Variants in PDE4D observed in about 807,000 individuals in gnomAD.
PDE4D encodes the protein 3',5'-cyclic-AMP phosphodiesterase 4D.
PDE4D carries 24 observed loss-of-function variants against 87.4 expected under a neutral mutation model. That is an observed-to-expected ratio of 0.27 (90% CI 0.20 to 0.39). The LOEUF (loss-of-function observed/expected upper bound fraction) is 0.39. PDE4D is among the 10% of genes least tolerant of loss of function. The pLI is 1.00. For synonymous variants in PDE4D, 384 were observed against 383.2 expected, an observed-to-expected ratio of 1.00 and a Z score of -0.02; for missense variants, 714 against 1,041.0, an observed-to-expected ratio of 0.69 and a Z score of 4.32.
intron 1 of PDE4D, among the ~76,000 whole-genome samples, chr5:59,249,711 T>C (rs997565004): frequency 9.2e-5 from 14 of 152,304 alleles, no homozygotes; most frequent in African/African-American, 3.4e-4. Flanking sequence ...TCCAGGTAAT[T>C]GCTATTAGTA....
At chr5:59,300,679 T>C (rs562635415) in intron 1 of PDE4D, among the ~76,000 whole-genome samples, 37 of 151,868 alleles carry the variant, frequency 2.4e-4, no homozygotes, top group Admixed American at 1.2e-3. Flanking sequence ...ACATGTGAGG[T>C]TTCCCCCCCA....
At chr5:59,566,587 A>T (rs1264740425) in intron 1 of PDE4D, among the ~76,000 whole-genome samples, 14 of 144,848 alleles carry the variant, frequency 9.7e-5, no homozygotes, top group African/African-American at 3.4e-4. Context: ...TGTGTGTGAG[A>T]GAATGAGAGA....
chr5:59,158,600 G>A (rs2153463664), intron 5 of PDE4D, among the ~76,000 whole-genome samples: 1 of 152,264 alleles, frequency 6.6e-6, no homozygotes, highest in Admixed American at 6.5e-5. Context: ...TCACTTCTTA[G>A]GGAAATATGA....
At chr5:60,340,640 C>T (rs1758236451) in intron 1 of PDE4D, among the ~76,000 whole-genome samples, 1 of 148,160 alleles carries the variant, frequency 6.7e-6, no homozygotes, top group African/African-American at 2.5e-5. Flanking sequence ...CAAGTACTCT[C>T]ATTTGCGGCC....
At chr5:60,218,196 T>C (rs1037847295) in intron 1 of PDE4D, among the ~76,000 whole-genome samples, 3 of 152,072 alleles carry the variant, frequency 2.0e-5, no homozygotes, top group Non-Finnish European at 4.4e-5. Context: ...AATGATTATT[T>C]ATTATACCAT....
chr5:60,367,059 G>A (rs192773689), intron 1 of PDE4D, among the ~76,000 whole-genome samples: 14 of 152,204 alleles, frequency 9.2e-5, no homozygotes, highest in Admixed American at 5.9e-4. Flanking sequence ...CATGCCTTCC[G>A]GGTGGGTGGA....
chr5:59,656,105 C>T (rs1469958764), intron 1 of PDE4D, among the ~76,000 whole-genome samples: 3 of 152,190 alleles, frequency 2.0e-5, no homozygotes, highest in East Asian at 3.9e-4. Flanking sequence ...ATACCACAGA[C>T]ACAGATGTAC....
intron 2 of PDE4D, among the ~76,000 whole-genome samples, chr5:60,085,532 G>C (rs913180499): frequency 6.6e-6 from 1 of 152,110 alleles, no homozygotes; most frequent in Non-Finnish European, 1.5e-5. Flanking sequence ...GATAATGGGA[G>C]AAAGAAACTC....
intron 6 of PDE4D, among the ~76,000 whole-genome samples, chr5:59,026,516 T>C (rs1172757583): frequency 1.3e-5 from 2 of 152,102 alleles, no homozygotes; most frequent in African/African-American, 4.8e-5. Flanking sequence ...GATGGCCAAG[T>C]GGTCTAAGGC....
chr5:59,131,645 C>CACACACACAT (rs60337924), intron 5 of PDE4D, among the ~76,000 whole-genome samples: 2,425 of 146,268 alleles, frequency 0.017, 74 homozygotes, highest in African/African-American at 0.039. Context: ...CACACACACA[C>CACACACACAT]ATTAATGAGA....
At chr5:60,011,004 A>G (rs770345103) in intron 2 of PDE4D, among the ~76,000 whole-genome samples, 2 of 152,220 alleles carry the variant, frequency 1.3e-5, no homozygotes, top group Non-Finnish European at 2.9e-5. Context: ...ATTTATCTCA[A>G]CCTGCACTGT....
chr5:59,172,094 A>T (rs1357591537), intron 5 of PDE4D, among the ~76,000 whole-genome samples: 1 of 53,432 alleles, frequency 1.9e-5, no homozygotes, highest in East Asian at 5.9e-4. Context: ...ATATATAATA[A>T]ATATATATTA....
At chr5:59,504,441 G>A (rs1018889663) in intron 1 of PDE4D, among the ~76,000 whole-genome samples, 17 of 152,204 alleles carry the variant, frequency 1.1e-4, no homozygotes, top group African/African-American at 3.9e-4. Flanking sequence ...TGGCTAACTA[G>A]TATGTACCAA....
Position 59,502,791 on chromosome 5 carries a change from G to A in PDE4D, c.456-286823C>T, listed in dbSNP as rs1053436427. ...TGTTTTTCTTGATATAAAAATTAAAGCATGGAGAAATTCCAGTGAAAAGGA... is the reference window on the plus strand; with the variant it reads ...TGTTTTTCTTGATATAAAAATTAAAACATGGAGAAATTCCAGTGAAAAGGA... On this transcript the variant is annotated intron_variant, in intron 1 of 14. Coordinates refer to ENST00000340635, the MANE Select transcript of PDE4D (RefSeq NM_001104631.2). 2.7e-5 allele frequency among the ~76,000 whole-genome samples: 4 copies of A among 150,856 alleles called. No individual in the cohort carries two copies. The South Asian group carries it at 6.3e-4, about 24-fold the overall frequency.
At chr5:59,405,857 T>C (rs1180297253) in intron 1 of PDE4D, among the ~76,000 whole-genome samples, 1 of 152,226 alleles carries the variant, frequency 6.6e-6, no homozygotes, top group Non-Finnish European at 1.5e-5. Flanking sequence ...TGTTGAACCA[T>C]CCTTGCTTCC....
At chr5:59,274,580 A>T (rs532531860) in intron 1 of PDE4D, among the ~76,000 whole-genome samples, 24 of 152,148 alleles carry the variant, frequency 1.6e-4, no homozygotes, top group Non-Finnish European at 3.1e-4. Flanking sequence ...AGAAAAACAA[A>T]ATAAGACTAA....
At chr5:59,960,380 C>G (rs1759329671) in intron 3 of PDE4D, among the ~76,000 whole-genome samples, 1 of 152,140 alleles carries the variant, frequency 6.6e-6, no homozygotes, top group Non-Finnish European at 1.5e-5. Flanking sequence ...AACCATCCTA[C>G]CAAAGAGATG....
At chr5:59,317,051 C>T (rs1269188271) in intron 1 of PDE4D, among the ~76,000 whole-genome samples, 3 of 152,198 alleles carry the variant, frequency 2.0e-5, no homozygotes, top group Non-Finnish European at 2.9e-5. Flanking sequence ...CATCCTGCAG[C>T]TGTCAATCCA....
At chr5:59,284,525 C>G (rs537884504) in intron 1 of PDE4D, among the ~76,000 whole-genome samples, 3 of 151,552 alleles carry the variant, frequency 2.0e-5, no homozygotes, top group South Asian at 2.1e-4. Context: ...TCATCTCACA[C>G]CAGTTAGAAT....
Sources: allele counts gnomAD v4.1 joint callset (sites outside exome capture counted in the v4.1 genomes callset), GRCh38; gene constraint gnomAD v4.1.1; transcripts MANE v1.5; gene names NCBI Gene and HGNC (gene_info 2026-07-23, HGNC 2026-07-21).